KIF19: variants seen among roughly 807,000 people sequenced by gnomAD.
KIF19 encodes kinesin family member 19, also known as kinesin-like protein KIF19.
A neutral mutation model predicts 106.6 loss-of-function variants in KIF19; 98 were observed. The observed-to-expected ratio is 0.92, with a 90% CI of 0.78 to 1.09. KIF19 has a LOEUF of 1.09. KIF19 is among the 50% of genes least tolerant of loss of function. The pLI is 0.00. For missense variants in KIF19, 1,373 were observed against 1,414.3 expected, an observed-to-expected ratio of 0.97 and a Z score of 0.47; for synonymous variants, 516 against 584.2, an observed-to-expected ratio of 0.88 and a Z score of 1.68.
In KIF19 at chr17:74,354,315, C is replaced by T. The variant is rs775255824; in HGVS notation, c.2462C>T (p.Ala821Val). The part of the protein sequence containing the change: ...SLHSLSEGDD[A>V]RPPGPLACKR... Reference sequence around the variant, plus strand: ...CACTCACTGAGCGAGGGCGACGATGCGCGGCCACCAGGCCCACTGGCCTGC... The same window carrying T: ...CACTCACTGAGCGAGGGCGACGATGTGCGGCCACCAGGCCCACTGGCCTGC... Residue 821 changes from alanine to valine, a missense_variant, in exon 18 of 20, where the codon GCG becomes GTG. Around this residue, in one of 3 missense-constraint regions of KIF19, gnomAD observed 1,020 missense variants for 1,008.2 expected, o/e 1.01. Transcript: ENST00000389916. The T allele has an allele frequency of 4.4e-6, 7 of 1,607,940 alleles. No homozygotes were observed. In the East Asian group the frequency reaches 6.7e-5, roughly 15 times the overall value.
chr17:74,343,674 C>T lies in KIF19; in HGVS notation c.456+514C>T, dbSNP rs186143838. The stretch of plus-strand genomic sequence containing the variant: ...GAGGCTGGACTTCATCTGGCTCCTC[C>T]GGGAGCTGATAATCTCCTGGGTGAC... On this transcript the variant is annotated intron_variant, in intron 5 of 19. Transcript: ENST00000389916. 1.1e-3 allele frequency among the ~76,000 whole-genome samples: 174 copies of T among 152,300 alleles called. 1 individual carries two copies. The highest frequency in any genetic ancestry group is 4.0e-3 in the African/African-American group (168 of 41,568).
chr17:74,343,411 A>G (rs1312270827), intron 5 of KIF19, among the ~76,000 whole-genome samples: 1 of 152,046 alleles, frequency 6.6e-6, no homozygotes, highest in Non-Finnish European at 1.5e-5. Flanking sequence ...CACGCTCACC[A>G]CCTCACCATC....
At chr17:74,348,280 C>T (rs2054595169) in intron 9 of KIF19, among the ~76,000 whole-genome samples, 2 of 152,246 alleles carry the variant, frequency 1.3e-5, no homozygotes, top group Admixed American at 6.5e-5. Flanking sequence ...CATGCTACCT[C>T]CTTTGATCCT....
chr17:74,354,753 G>A (rs766892211), intron 18 of KIF19, 29 bp from the exon 19 acceptor site: 42 of 1,545,310 alleles, frequency 2.7e-5, no homozygotes, highest in Admixed American at 1.8e-4. Flanking sequence ...TGCCGCTCTC[G>A]GCCTCACCCC....
Position 74,331,896 on chromosome 17 carries a change from GA to G in KIF19, c.120+3392del, listed in dbSNP as rs1381503336. On this transcript the variant is annotated intron_variant, in intron 2 of 19. Transcript: ENST00000389916. This position sits in a 1 kb window ranked among gnomAD's most constrained non-coding sequence, Gnocchi z 4.1. ...CCAGCCGGTTTGGATTTTTAATGGG[GA>G]TAGTCCAGTTGCCTTGGAAGGCCAG... is the stretch of plus-strand genomic sequence containing the variant. Among the ~76,000 whole-genome samples the G allele has an allele frequency of 2.6e-5, 4 of 152,020 alleles. No homozygotes were observed. The highest frequency in any genetic ancestry group is 2.6e-4 in the Admixed American group (4 of 15,262).
At chr17:74,329,276 GTC>G (rs1412693403) in intron 2 of KIF19, 1 of 151,984 alleles carries the variant, frequency 6.6e-6, no homozygotes, top group Non-Finnish European at 1.5e-5. Context: ...GTGAAACCCA[GTC>G]TCTACTGAAA....
chr17:74,346,195 C>T lies in KIF19; in HGVS notation c.778-183C>T, dbSNP rs2054525436. Among the ~76,000 whole-genome samples the T allele has an allele frequency of 6.6e-6, 1 of 152,246 alleles. No individual in the cohort carries two copies. Among genetic ancestry groups the T allele is most frequent in the Admixed American group, 6.5e-5 (1 of 15,284 alleles). ...AAGCTGTCAGCCCATCACTCTTGTT[C>T]AGAGGCCTCTGGGTCTCTTAACCTT... On this transcript the variant is annotated intron_variant, in intron 7 of 19. Coordinates refer to ENST00000389916, the MANE Select transcript of KIF19 (RefSeq NM_153209.4). The surrounding 1 kb of genome is among the most constrained non-coding windows in gnomAD (Gnocchi z 4.6).
At chr17:74,340,553 G>A (rs117204832) in intron 2 of KIF19, among the ~76,000 whole-genome samples, 7 of 478 alleles carry the variant, frequency 0.015, no homozygotes, top group African/African-American at 0.031. Flanking sequence ...GTATGCGCGC[G>A]CGTACACACA....
intron 2 of KIF19, among the ~76,000 whole-genome samples, chr17:74,337,954 A>G (rs921390895): frequency 6.6e-5 from 10 of 152,394 alleles, no homozygotes; most frequent in Admixed American, 2.0e-4. Flanking sequence ...GAGCCCGGAC[A>G]GATGGAACCC....
At chr17:74,337,212 A>G (rs1288755770) in intron 2 of KIF19, among the ~76,000 whole-genome samples, 1 of 152,100 alleles carries the variant, frequency 6.6e-6, no homozygotes, top group African/African-American at 2.4e-5. Flanking sequence ...ACCACTCCCT[A>G]TAAACGAAAG....
Position 74,354,551 on chromosome 17 carries a change from G to T in KIF19, c.2698G>T (p.Gly900Trp), listed in dbSNP as rs780918742. The T allele has an allele frequency of 6.5e-5, 103 of 1,594,612 alleles. No homozygotes were observed. The highest frequency in any genetic ancestry group is 8.4e-5 in the Non-Finnish European group (98 of 1,171,992). ...GAGGTCCCGATCCTTCGAGGTCACC[G>T]GGCAAGGGGTGAGGCGAGGCGCAGG... The part of the protein sequence containing the change: ...KRRSRSFEVT[G>W]QGLSHPKTHL... Residue 900 changes from glycine (G) to tryptophan (W), a missense_variant, in exon 18 of 20, where the codon GGG (glycine) becomes TGG (tryptophan). Transcript: ENST00000389916.
At chr17:74,337,270 G>T (rs1162399920) in intron 2 of KIF19, among the ~76,000 whole-genome samples, 1 of 152,048 alleles carries the variant, frequency 6.6e-6, no homozygotes, top group East Asian at 1.9e-4. Flanking sequence ...GCCAACCAGG[G>T]GGGCCTTTAG....
Position 74,350,702 on chromosome 17 carries a change from G to C in KIF19, c.1389-5G>C. 6.2e-7 allele frequency: 1 copy of C among 1,613,566 alleles called. No individual in the cohort carries two copies. The highest frequency in any genetic ancestry group is 1.1e-5 in the South Asian group (1 of 91,062). On this transcript the variant is annotated splice_region_variant and splice_polypyrimidine_tract_variant and intron_variant, in intron 11 of 19. Coordinates refer to ENST00000389916, the MANE Select transcript of KIF19 (RefSeq NM_153209.4). ...GCCCTGTCTCTCTGGGTGGGGCTGC[G>C]GCAGCTGGAAGCATGAGAAGTCCCG...
At chr17:74,342,980 C>CA in intron 4 of KIF19, 44 bp from the exon 5 acceptor site, 5 of 1,544,260 alleles carry the variant, frequency 3.2e-6, no homozygotes, top group South Asian at 1.2e-5. Flanking sequence ...CAAGGCCTCC[C>CA]TCCCAGCCCC....
At chr17:74,340,349 G>A (rs1461466447) in intron 2 of KIF19, among the ~76,000 whole-genome samples, 4 of 152,164 alleles carry the variant, frequency 2.6e-5, no homozygotes, top group South Asian at 4.1e-4. Context: ...CAGCAAGGAC[G>A]CAGCCTCCTT....
rs9897137 is a variant in KIF19, at chr17:74,352,901, C to A, written c.2061C>A (p.Ser687Arg). ...ACCTGGAGAGTGTGAAGACATTGAG[C>A]TCTGATGCCCAGCACCTGCAGAACA... ...DSDLESVKTL[S>R]SDAQHLQNSA... is the part of the protein sequence containing the mutation. Residue 687 changes from serine (S) to arginine (R), a missense_variant, in exon 15 of 20, where the codon AGC becomes AGA. Coordinates refer to ENST00000389916, the MANE Select transcript of KIF19 (RefSeq NM_153209.4). 1.3e-5 allele frequency: 21 copies of A among 1,613,698 alleles called. No homozygotes were observed. Among genetic ancestry groups the A allele is most frequent in the Non-Finnish European group, 1.7e-5 (20 of 1,179,856 alleles).
intron 5 of KIF19, among the ~76,000 whole-genome samples, chr17:74,343,426 C>T (rs2054440921): frequency 1.3e-5 from 2 of 152,232 alleles, no homozygotes; most frequent in Non-Finnish European, 2.9e-5. Context: ...ACCATCCTCA[C>T]AGGCCCATTC....
Position 74,351,930 on chromosome 17 carries a change from C to A in KIF19, c.1651C>A (p.Pro551Thr), listed in dbSNP as rs1191743488. 5 of 1,453,202 alleles carry A rather than the reference C, an allele frequency of 3.4e-6. No individual in the cohort carries two copies. The highest frequency in any genetic ancestry group is 5.3e-5 in the Admixed American group (2 of 37,760). The allele number at this position is 1,453,202 out of a possible 1,614,324, so 90.0% of individuals were successfully genotyped here. ...GGGCCGGCGCCTGGAGGAGACGCTG[C>A]CGCGGCGCATCGGCTCCGAGGAGCA... is the stretch of plus-strand genomic sequence containing the variant. ...ARGRRLEETL[P>T]RRIGSEEQRE... The change falls in exon 13 of 20, where the codon CCG becomes ACG. Residue 551 changes from proline to threonine, a missense_variant. Coordinates refer to ENST00000389916, the MANE Select transcript of KIF19 (RefSeq NM_153209.4).
In KIF19 at chr17:74,344,959, AGGCTGGGACCTG is replaced by A. The variant is rs1335714517; in HGVS notation, c.777+12_777+23del. 2 of 1,596,864 alleles carry A rather than the reference AGGCTGGGACCTG, an allele frequency of 1.3e-6. No homozygotes were observed. Among genetic ancestry groups the A allele is most frequent in the Non-Finnish European group, 1.7e-6 (2 of 1,174,448 alleles). ...TGGCTCAGAGCGCGCCTCGCAGGTG[AGGCTGGGACCTG>A]GGCTGGGCAGAGGAGGGAGGGTTGA... is the stretch of plus-strand genomic sequence containing the variant. On this transcript the variant is annotated splice_donor_5th_base_variant and intron_variant, in intron 7 of 19. Coordinates refer to ENST00000389916, the MANE Select transcript of KIF19 (RefSeq NM_153209.4).
Sources: allele counts gnomAD v4.1 joint callset (sites outside exome capture counted in the v4.1 genomes callset), GRCh38; gene constraint gnomAD v4.1.1; regional missense constraint gnomAD v4.1.1; non-coding constraint Gnocchi (gnomAD v3.1); transcripts MANE v1.5; gene names NCBI Gene and HGNC (gene_info 2026-07-23, HGNC 2026-07-21).